The following CNTN5 variants were observed in gnomAD, a reference collection of about 807,000 sequenced individuals.
The protein encoded by CNTN5 is contactin 5.
CNTN5 carries 77 observed loss-of-function variants against 129.1 expected under a neutral mutation model. That is an observed-to-expected ratio of 0.60 (90% confidence interval 0.50 to 0.72). The LOEUF is 0.72. CNTN5 is among the 30% of genes least tolerant of loss of function. The pLI, the probability that CNTN5 is intolerant of heterozygous loss-of-function variation, is 0.00. For missense variants in CNTN5, 1,478 were observed against 1,328.8 expected (o/e 1.11, Z -1.75); for synonymous variants, 509 against 465.6 (o/e 1.09, Z -1.20).
intron 8 of CNTN5, among the ~76,000 whole-genome samples, chr11:99,972,977 G>T (rs71474545): frequency 6.8e-6 from 1 of 146,012 alleles, no homozygotes; most frequent in African/African-American, 2.5e-5. Flanking sequence ...CATTACTTGC[G>T]ACATGTTTTT....
chr11:99,207,909 C>T (rs532435477), intron 1 of CNTN5, among the ~76,000 whole-genome samples: 108 of 152,228 alleles, frequency 7.1e-4, no homozygotes, highest in Non-Finnish European at 1.3e-3. Flanking sequence ...GAATTTAGCT[C>T]GGCTTTGAGT....
chr11:99,311,312 T>A (rs1865105914), intron 1 of CNTN5, among the ~76,000 whole-genome samples: 1 of 152,192 alleles, frequency 6.6e-6, no homozygotes, highest in African/African-American at 2.4e-5. Context: ...TGATTTGATT[T>A]GCTAAATTTC....
chr11:99,830,254 T>C (rs915094074), intron 4 of CNTN5, among the ~76,000 whole-genome samples: 14 of 152,188 alleles, frequency 9.2e-5, no homozygotes, highest in Admixed American at 9.2e-4. Context: ...TTTTGCTCTC[T>C]TTAATTCCCT....
intron 3 of CNTN5, among the ~76,000 whole-genome samples, chr11:99,718,022 T>C (rs1943039181): frequency 6.6e-6 from 1 of 152,108 alleles, no homozygotes; most frequent in Non-Finnish European, 1.5e-5. Context: ...ACATTTTAAT[T>C]ATAAATTGCC....
intron 8 of CNTN5, among the ~76,000 whole-genome samples, chr11:99,963,254 A>G (rs1370802363): frequency 6.6e-6 from 1 of 152,126 alleles, no homozygotes; most frequent in Non-Finnish European, 1.5e-5. Context: ...CCTGAATGGT[A>G]TTGCCTAGGT....
intron 2 of CNTN5, among the ~76,000 whole-genome samples, chr11:99,371,921 G>C (rs773625376): frequency 5.9e-5 from 9 of 152,132 alleles, no homozygotes; most frequent in Non-Finnish European, 1.2e-4. Context: ...TTGTGTCTTT[G>C]AGTATACAAA....
intron 7 of CNTN5, among the ~76,000 whole-genome samples, chr11:99,927,839 T>G (rs536151972): frequency 6.6e-6 from 1 of 152,142 alleles, no homozygotes; most frequent in Non-Finnish European, 1.5e-5. Context: ...CATGCCCTTC[T>G]AACAGTCCCC....
chr11:99,152,846 G>C (rs190794687), intron 1 of CNTN5, among the ~76,000 whole-genome samples: 8 of 152,320 alleles, frequency 5.3e-5, no homozygotes, highest in Admixed American at 3.9e-4. Flanking sequence ...TGGTGCTAAT[G>C]AATTCCTTTA....
At chr11:99,432,879 G>A (rs1278733532) in intron 2 of CNTN5, among the ~76,000 whole-genome samples, 1 of 151,812 alleles carries the variant, frequency 6.6e-6, no homozygotes, top group African/African-American at 2.4e-5. Flanking sequence ...AGATGCAAGA[G>A]TACTAGAATG....
intron 2 of CNTN5, among the ~76,000 whole-genome samples, chr11:99,478,195 A>G (rs1945455674): frequency 6.6e-6 from 1 of 152,140 alleles, no homozygotes; most frequent in Non-Finnish European, 1.5e-5. Flanking sequence ...CCAGTCTCTC[A>G]CAAGACTGCA....
chr11:100,063,706 TAA>T (rs35896237), intron 10 of CNTN5, among the ~76,000 whole-genome samples: 10,639 of 115,274 alleles, frequency 0.092, 462 homozygotes, highest in East Asian at 0.19. Context: ...AACCTGTCTC[TAA>T]AAAAAAAAAA....
intron 1 of CNTN5, among the ~76,000 whole-genome samples, chr11:99,256,311 T>C (rs1226580880): frequency 6.6e-6 from 1 of 152,056 alleles, no homozygotes; most frequent in Non-Finnish European, 1.5e-5. Context: ...CTTTCTCTGG[T>C]CTTACTGTAC....
At chr11:100,034,292 C>T (rs1294317670) in intron 9 of CNTN5, among the ~76,000 whole-genome samples, 1 of 152,148 alleles carries the variant, frequency 6.6e-6, no homozygotes, top group East Asian at 1.9e-4. Context: ...GGTAGAAGTC[C>T]AATTAATACT....
At chr11:99,368,273 G>T (rs1263831647) in intron 2 of CNTN5, among the ~76,000 whole-genome samples, 1 of 151,924 alleles carries the variant, frequency 6.6e-6, no homozygotes, top group Non-Finnish European at 1.5e-5. Context: ...CCTTGAGTAT[G>T]CTACTCAGAA....
At chr11:99,577,312 C>T (rs973053555) in intron 3 of CNTN5, among the ~76,000 whole-genome samples, 4 of 152,150 alleles carry the variant, frequency 2.6e-5, no homozygotes, top group Non-Finnish European at 5.9e-5. Flanking sequence ...ATCCCTCTCC[C>T]TTTGCCTCAA....
intron 1 of CNTN5, among the ~76,000 whole-genome samples, chr11:99,302,113 C>G (rs1416576255): frequency 1.3e-5 from 2 of 150,786 alleles, no homozygotes; most frequent in Non-Finnish European, 3.0e-5. Context: ...TTATAAATTT[C>G]TATATTAAAA....
intron 6 of CNTN5, among the ~76,000 whole-genome samples, chr11:99,847,868 G>A (rs1947750296): frequency 6.6e-6 from 1 of 152,010 alleles, no homozygotes; most frequent in African/African-American, 2.4e-5. Context: ...AAAAAGAAAA[G>A]GGGTTCCTGA....
At chr11:99,902,513 A>G (rs7123748) in intron 6 of CNTN5, among the ~76,000 whole-genome samples, 11,706 of 152,182 alleles carry the variant, frequency 0.077, 944 homozygotes, top group African/African-American at 0.21. Flanking sequence ...AAATAGACAT[A>G]TTAGTCCTAC....
intron 9 of CNTN5, among the ~76,000 whole-genome samples, chr11:100,030,499 C>T (rs546067106): frequency 1.8e-4 from 28 of 152,238 alleles, no homozygotes; most frequent in African/African-American, 6.3e-4. Flanking sequence ...CACCTGACCC[C>T]GTTAAGCTGT....
Sources: gnomAD v4.1 joint callset for allele counts (sites outside exome capture counted in the v4.1 genomes callset) on GRCh38, gnomAD v4.1.1 for gene constraint, MANE v1.5 for transcripts, NCBI Gene and HGNC (gene_info 2026-07-23, HGNC 2026-07-21) for gene names.